The following GRIA3 variants were observed in gnomAD, a reference collection of about 807,000 sequenced individuals.
GRIA3 encodes glutamate ionotropic receptor AMPA type subunit 3, also known as glutamate receptor 3.
A neutral mutation model predicts 63.0 loss-of-function variants in GRIA3; 3 were observed. The observed-to-expected ratio is 0.05, with a 90% CI of 0.02 to 0.12. GRIA3 has a LOEUF of 0.12. Among genes scored for constraint, GRIA3 ranks in the 10% least tolerant of loss-of-function variants. The pLI is 1.00. For missense variants in GRIA3, 347 were observed against 700.9 expected (o/e 0.50, Z 5.70); for synonymous variants, 274 against 257.9 (o/e 1.06, Z -0.60).
chrX:123,269,820 A>G (rs1277957775), intron 3 of GRIA3, among the ~76,000 whole-genome samples: 1 of 112,054 alleles, frequency 8.9e-6, no homozygotes, highest in Non-Finnish European at 1.9e-5. Flanking sequence ...TGCAATCAGA[A>G]AAGCTGGACC....
chrX:123,454,538 G>A (rs1481260088), intron 12 of GRIA3, among the ~76,000 whole-genome samples: 1 of 110,704 alleles, frequency 9.0e-6, no homozygotes, highest in Non-Finnish European at 1.9e-5. Flanking sequence ...ATTTGGGGCC[G>A]GATAATTACT....
At chrX:123,465,206 G>A in intron 13 of GRIA3, 94 bp downstream of exon 13, 1 of 938,736 alleles carries the variant, frequency 1.1e-6, no homozygotes, top group African/African-American at 1.9e-5. Flanking sequence ...GGATTTTGAG[G>A]TAACTTTTAA....
chrX:123,251,506 G>A lies in GRIA3; in HGVS notation c.269-1797G>A, dbSNP rs747445397. Among the ~76,000 whole-genome samples, 4 of 111,376 alleles carry A rather than the reference G, an allele frequency of 3.6e-5. No individual in the cohort carries two copies. In the South Asian group the frequency reaches 1.6e-3, roughly 43 times the overall value. On this transcript the variant is annotated intron_variant, in intron 2 of 15. Coordinates refer to ENST00000620443, the MANE Select transcript of GRIA3 (RefSeq NM_007325.5). Reference sequence around the variant, plus strand: ...GCTGGAGTGCAGCGGCACGATCTCGGCTCACTGCAACCTCTGCCTCCCGGG... The same window carrying A: ...GCTGGAGTGCAGCGGCACGATCTCGACTCACTGCAACCTCTGCCTCCCGGG...
chrX:123,441,338 T>G lies in GRIA3; in HGVS notation c.2076+13199T>G, dbSNP rs138958722. Reference sequence around the variant, plus strand: ...TTGGGGGAGAAGGATTTAGGAGAGATAAAAACAATTAGTTTCTGAGAAAGA... The same window carrying G: ...TTGGGGGAGAAGGATTTAGGAGAGAGAAAAACAATTAGTTTCTGAGAAAGA... On this transcript the variant is annotated intron_variant, in intron 12 of 15. Coordinates refer to ENST00000620443, the MANE Select transcript of GRIA3 (RefSeq NM_007325.5). Among the ~76,000 whole-genome samples, 343 of 111,486 alleles carry G rather than the reference T, an allele frequency of 3.1e-3. 3 individuals carry two copies. The highest frequency in any genetic ancestry group is 0.011 in the African/African-American group (331 of 30,733).
chrX:123,416,475 A>G (rs1342617067), intron 10 of GRIA3, among the ~76,000 whole-genome samples: 1 of 112,133 alleles, frequency 8.9e-6, no homozygotes, highest in Non-Finnish European at 1.9e-5. Context: ...ATGACTTACT[A>G]CTGTTGGAAA....
At chrX:123,407,466 G>A (rs1025352337) in intron 10 of GRIA3, among the ~76,000 whole-genome samples, 1 of 110,982 alleles carries the variant, frequency 9.0e-6, no homozygotes. Flanking sequence ...AAGATCAAGG[G>A]AGATTCATTG....
chrX:123,429,997 T>C (rs2045609176), intron 12 of GRIA3, among the ~76,000 whole-genome samples: 1 of 112,143 alleles, frequency 8.9e-6, no homozygotes, highest in African/African-American at 3.2e-5. Context: ...AGGCAGAAAG[T>C]GTGACCAAAT....
At chrX:123,246,667 G>A (rs777731247) in intron 2 of GRIA3, among the ~76,000 whole-genome samples, 28 of 110,676 alleles carry the variant, frequency 2.5e-4, no homozygotes, top group African/African-American at 6.6e-4. Flanking sequence ...TCCCTTTACC[G>A]TATAACCTAA....
chrX:123,224,125 C>T (rs1391231241), intron 2 of GRIA3, among the ~76,000 whole-genome samples: 2 of 111,737 alleles, frequency 1.8e-5, no homozygotes, highest in African/African-American at 6.5e-5. Context: ...GTTGACCATC[C>T]TTTCCTTCTC....
chrX:123,474,385 TA>T (rs1338198393), intron 13 of GRIA3, among the ~76,000 whole-genome samples: 1 of 112,391 alleles, frequency 8.9e-6, no homozygotes, highest in Non-Finnish European at 1.9e-5. Flanking sequence ...TTTTGTTTTT[TA>T]AAAAAATTAA....
At chrX:123,400,836 A>G (rs899041464) in intron 7 of GRIA3, among the ~76,000 whole-genome samples, 19 of 112,170 alleles carry the variant, frequency 1.7e-4, no homozygotes, top group Non-Finnish European at 1.3e-4. Context: ...GCCACTTGCA[A>G]ATTGGGTAAT....
At chrX:123,260,287 T>C (rs1193561228) in intron 3 of GRIA3, among the ~76,000 whole-genome samples, 1 of 102,444 alleles carries the variant, frequency 9.8e-6, no homozygotes, top group Non-Finnish European at 2.0e-5. Context: ...AGGAGCCTAT[T>C]CTGGTTCAGG....
chrX:123,264,669 C>G (rs1490024357), intron 3 of GRIA3, among the ~76,000 whole-genome samples: 1 of 111,923 alleles, frequency 8.9e-6, no homozygotes, highest in African/African-American at 3.2e-5. Flanking sequence ...CAGGCAGCCA[C>G]TTTAAGGAAG....
At chrX:123,339,355 T>A (rs1187123855) in intron 4 of GRIA3, among the ~76,000 whole-genome samples, 1 of 112,100 alleles carries the variant, frequency 8.9e-6, no homozygotes, top group African/African-American at 3.2e-5. Flanking sequence ...GGAAACAATT[T>A]CAAGCTCTCC....
chrX:123,219,138 C>T (rs1412252277), intron 2 of GRIA3, among the ~76,000 whole-genome samples: 1 of 111,509 alleles, frequency 9.0e-6, no homozygotes, highest in Non-Finnish European at 1.9e-5. Flanking sequence ...ATGGAAGCAA[C>T]CAGCTAACAA....
intron 3 of GRIA3, among the ~76,000 whole-genome samples, chrX:123,307,470 A>G (rs752879495): frequency 8.9e-6 from 1 of 112,038 alleles, no homozygotes; most frequent in African/African-American, 3.2e-5. Context: ...ATTCTTTGGG[A>G]ACAATCACTG....
intron 4 of GRIA3, among the ~76,000 whole-genome samples, chrX:123,345,452 A>ACACG (rs2045040716): frequency 1.0e-5 from 1 of 99,614 alleles, no homozygotes; most frequent in Admixed American, 1.1e-4. Context: ...ACACACACAC[A>ACACG]CACACACACA....
At chrX:123,385,698 C>A (rs1328175078) in intron 5 of GRIA3, among the ~76,000 whole-genome samples, 1 of 111,811 alleles carries the variant, frequency 8.9e-6, no homozygotes, top group Non-Finnish European at 1.9e-5. Flanking sequence ...TTGTACAGAT[C>A]TTTCACCTTC....
At chrX:123,285,316 T>C (rs2044610828) in intron 3 of GRIA3, among the ~76,000 whole-genome samples, 2 of 110,266 alleles carry the variant, frequency 1.8e-5, no homozygotes. Flanking sequence ...GTAAAGACCA[T>C]TGACACTATG....
Sources: allele counts gnomAD v4.1 joint callset (sites outside exome capture counted in the v4.1 genomes callset), GRCh38; gene constraint gnomAD v4.1.1; transcripts MANE v1.5; gene names NCBI Gene and HGNC (gene_info 2026-07-23, HGNC 2026-07-21).